The following BOC variants were observed in gnomAD, a reference collection of about 807,000 sequenced individuals.
BOC encodes brother of CDO.
A neutral mutation model predicts 112.0 loss-of-function variants in BOC; 76 were observed. The ratio of observed to expected loss-of-function variants is 0.68; its 90% CI spans 0.56 to 0.82. The LOEUF is 0.82. BOC is among the 40% of genes least tolerant of loss of function. The probability of loss-of-function intolerance (pLI) is 0.00; values close to 1 mark genes in which losing one functional copy is unlikely to be tolerated. For missense variants in BOC, 1,309 were observed against 1,511.7 expected (o/e 0.87, Z 2.22); for synonymous variants, 580 against 599.8 (o/e 0.97, Z 0.48).
At position 113,273,173 on chromosome 3, in the gene BOC, T is replaced by C. The variant is rs750517961; in HGVS notation, c.1066T>C (p.Trp356Arg). 1 of 1,614,078 alleles carries C rather than the reference T, an allele frequency of 6.2e-7. No homozygotes were observed. The highest frequency in any genetic ancestry group is 8.5e-7 in the Non-Finnish European group (1 of 1,180,010). The change falls in exon 8 of 20, where the codon TGG becomes CGG. Residue 356 changes from tryptophan to arginine, a missense_variant. Transcript: ENST00000682979. ...TGGGAACCCCCCGCCCTCCGTGCTG[T>C]GGCTGAGGAATGCTGTGCCCCTCAT... Reference protein sequence around the residue: ...VRGNPPPSVLWLRNAVPLISS... With the variant: ...VRGNPPPSVLRLRNAVPLISS...
In BOC at chr3:113,270,942, G is replaced by A. The variant is rs201064671; in HGVS notation, c.665G>A (p.Arg222His). 1.7e-5 allele frequency: 27 copies of A among 1,614,148 alleles called. No individual in the cohort carries two copies. Among genetic ancestry groups the A allele is most frequent in the South Asian group, 8.8e-5 (8 of 91,082 alleles). The stretch of plus-strand genomic sequence containing the variant: ...GGCTCCAGCGACAGGCTACGTGTGC[G>A]CCGTAAGGCCCGGGCCCACCTGCTG... ...TSGSSDRLRV[R>H]RSTAEAARII... is the part of the protein sequence containing the mutation. The change falls in exon 6 of 20, where the codon CGC (arginine) becomes CAC (histidine). Residue 222 changes from arginine to histidine, a missense_variant and splice_region_variant. Physicochemically the swap from Arg to His is conservative, Grantham distance 29 (BLOSUM62 0). Coordinates refer to ENST00000682979, the MANE Select transcript of BOC (RefSeq NM_001378074.1).
At position 113,279,328 on chromosome 3, in the gene BOC, T is replaced by C. The variant is rs757478390; in HGVS notation, c.1896T>C (p.Asn632=). 2 of 1,614,138 alleles carry C rather than the reference T, an allele frequency of 1.2e-6. 1 individual carries two copies. The highest frequency in any genetic ancestry group is 2.2e-5 in the South Asian group (2 of 91,072). The change falls in exon 12 of 20, where the codon AAT becomes AAC. Residue 632 remains asparagine, a synonymous_variant. Coordinates refer to ENST00000682979, the MANE Select transcript of BOC (RefSeq NM_001378074.1). The stretch of plus-strand genomic sequence containing the variant: ...ACGTGACCTGGATTCCCCGTGGGAA[T>C]GGTGGGTTCCCAATCCAGTCCTTCC... ...SVYVTWIPRG[N]GGFPIQSFRV... is the part of the protein sequence containing the mutation.
chr3:113,234,555 C>T (rs889689134), intron 2 of BOC, among the ~76,000 whole-genome samples: 2 of 152,180 alleles, frequency 1.3e-5, no homozygotes, highest in African/African-American at 4.8e-5. Context: ...GTTGTCAAAG[C>T]TGATGGGGGC....
chr3:113,253,383 A>AT (rs369365262), intron 4 of BOC, among the ~76,000 whole-genome samples: 25 of 151,914 alleles, frequency 1.6e-4, no homozygotes, highest in African/African-American at 5.8e-4. Flanking sequence ...TGAGGTTGGG[A>AT]TTTTGAGACC....
At chr3:113,239,604 C>T (rs1944024717) in intron 2 of BOC, among the ~76,000 whole-genome samples, 1 of 152,356 alleles carries the variant, frequency 6.6e-6, no homozygotes, top group Admixed American at 6.5e-5. Context: ...GTTAGGGACA[C>T]TTCTTCCCAC....
At position 113,216,526 on chromosome 3, in the gene BOC, G is replaced by A. The variant is rs148206546; in HGVS notation, c.-82+252G>A. The A allele has an allele frequency of 5.6e-4, 148 of 263,758 alleles. 2 individuals carry two copies. The East Asian group carries it at 0.01, about 19-fold the overall frequency. The allele number at this position is 263,758 out of a possible 1,614,324, so 16.3% of individuals were successfully genotyped here. On this transcript the variant is annotated intron_variant, in intron 2 of 19. Transcript: ENST00000682979. ...CTGTCAGACATGTTAGATACAAACC[G>A]TTTACTATGGGATTTGGAGTCCAAG...
intron 4 of BOC, among the ~76,000 whole-genome samples, chr3:113,267,883 A>G (rs947540095): frequency 1.3e-5 from 2 of 152,228 alleles, no homozygotes; most frequent in African/African-American, 4.8e-5. Flanking sequence ...TGGAGAAAAG[A>G]CATGAGCATT....
intron 16 of BOC, 66 bp from the exon 17 acceptor site, chr3:113,284,269 G>A: frequency 7.2e-7 from 1 of 1,380,210 alleles, no homozygotes; most frequent in South Asian, 1.2e-5. Flanking sequence ...AGATCCTTGT[G>A]GGGCTTTTCC....
At chr3:113,281,279 C>A in intron 15 of BOC, 126 bp downstream of exon 15, 1 of 1,174,874 alleles carries the variant, frequency 8.5e-7, no homozygotes, top group South Asian at 1.6e-5. Context: ...TCCAAATACC[C>A]TCAGACTTGG....
At position 113,216,243 on chromosome 3, in the gene BOC, C is replaced by G. The variant is rs188796542; in HGVS notation, c.-113C>G. Reference sequence around the variant, plus strand: ...CATGAAGTCTTGTCGACATTTATACCGTCTGAGGGTAGCAGCTCGAAAGTA... The same window carrying G: ...CATGAAGTCTTGTCGACATTTATACGGTCTGAGGGTAGCAGCTCGAAAGTA... On this transcript the variant is annotated 5_prime_UTR_variant, in exon 2 of 20. Coordinates refer to ENST00000682979, the MANE Select transcript of BOC (RefSeq NM_001378074.1). The G allele has an allele frequency of 2.2e-6, 1 of 456,548 alleles. No individual in the cohort carries two copies. The highest frequency in any genetic ancestry group is 2.0e-5 in the African/African-American group (1 of 50,136). 28.3% of individuals were successfully genotyped at this position (456,548 alleles called of 1,614,324 possible). A position where few individuals can be genotyped will look rare whatever the true frequency, so the allele number is the denominator to read the frequency against.
intron 2 of BOC, among the ~76,000 whole-genome samples, chr3:113,227,607 C>G (rs9968164): frequency 0.068 from 10,322 of 152,226 alleles, 366 homozygotes; most frequent in East Asian, 0.097. Flanking sequence ...TGAAACCTGC[C>G]TGACAATGCA....
rs1948476999 is a variant in BOC, at chr3:113,274,646, G to T, written c.1506G>T (p.Arg502=). The T allele has an allele frequency of 6.2e-7, 1 of 1,608,018 alleles. No homozygotes were observed. Among genetic ancestry groups the T allele is most frequent in the African/African-American group, 1.3e-5 (1 of 74,832 alleles). The change falls in exon 9 of 20, where the codon CGG becomes CGT. Residue 502 remains arginine (R), a synonymous_variant. Transcript: ENST00000682979. The surrounding 1 kb of genome is among the most constrained non-coding windows in gnomAD (Gnocchi z 4.8). ...VWRPRHEGSG[R]APILYYVVKH... is the part of the protein sequence containing the mutation. Reference sequence around the variant, plus strand: ...GGCCTCGGCATGAGGGCAGTGGCCGGGCGCCAATCCTCTACTATGTGGTGA... The same window carrying T: ...GGCCTCGGCATGAGGGCAGTGGCCGTGCGCCAATCCTCTACTATGTGGTGA...
chr3:113,268,424 G>C lies in BOC; in HGVS notation c.502G>C (p.Glu168Gln), dbSNP rs1457856366. 1 of 1,613,924 alleles carries C rather than the reference G, an allele frequency of 6.2e-7. No individual in the cohort carries two copies. The highest frequency in any genetic ancestry group is 1.1e-5 in the South Asian group (1 of 91,046). Residue 168 changes from glutamate (E) to glutamine (Q), a missense_variant, in exon 5 of 20, where the codon GAG (glutamate) becomes CAG (glutamine). By Grantham distance (29) the Glu-to-Gln change is conservative. Coordinates refer to ENST00000682979, the MANE Select transcript of BOC (RefSeq NM_001378074.1). ...CCAGGTCCGGTACAGCGTCAAACAA[G>C]AGTGGCTGGAGGCCTCCAGAGGTGA... The part of the protein sequence containing the change: ...KAQVRYSVKQ[E>Q]WLEASRGNYL...
At position 113,221,189 on chromosome 3, in the gene BOC, G is replaced by A. The variant is rs892703430; in HGVS notation, c.-82+4915G>A. On this transcript the variant is annotated intron_variant, in intron 2 of 19. Coordinates refer to ENST00000682979, the MANE Select transcript of BOC (RefSeq NM_001378074.1). ...GCAAGATAATTCACATAAAGCACAC[G>A]AAATGCGTTGGGAGCAGTCTGTAGA... 7.2e-5 allele frequency among the ~76,000 whole-genome samples: 11 copies of A among 152,334 alleles called. No individual in the cohort carries two copies. The East Asian group carries it at 7.7e-4, about 11-fold the overall frequency.
chr3:113,268,299 A>G lies in BOC; in HGVS notation c.377A>G (p.Asn126Ser). Residue 126 changes from asparagine to serine, a missense_variant and splice_region_variant, in exon 5 of 20, where the codon AAT becomes AGT. Physicochemically the swap from Asn to Ser is conservative, Grantham distance 46. Coordinates refer to ENST00000682979, the MANE Select transcript of BOC (RefSeq NM_001378074.1). ...ASVPATVTLANLQDFKLDVQH... is the reference protein window; with the variant it reads ...ASVPATVTLASLQDFKLDVQH... ...CCAGCACCTTCCCTTCTCTTCACAG[A>G]TCTCCAGGACTTCAAGTTAGATGTG... 6.2e-7 allele frequency: 1 copy of G among 1,614,048 alleles called. No individual in the cohort carries two copies. Among genetic ancestry groups the G allele is most frequent in the South Asian group, 1.1e-5 (1 of 91,044 alleles).
chr3:113,267,303 G>A (rs757698846), intron 4 of BOC, among the ~76,000 whole-genome samples: 4 of 152,202 alleles, frequency 2.6e-5, no homozygotes, highest in Non-Finnish European at 5.9e-5. Context: ...CAACATGAGT[G>A]ATTTGTCTCA....
At position 113,279,460 on chromosome 3, in the gene BOC, G is replaced by T. The variant is rs755537929; in HGVS notation, c.2023+5G>T. On this transcript the variant is annotated splice_donor_5th_base_variant and intron_variant, in intron 12 of 19. Coordinates refer to ENST00000682979, the MANE Select transcript of BOC (RefSeq NM_001378074.1). ...AGATCACGGGCCTAGAGAAAGGTAG[G>T]GGCCTGGCCACACCGTGGCCTTGGC... The T allele has an allele frequency of 6.2e-7, 1 of 1,612,896 alleles. No homozygotes were observed. Among genetic ancestry groups the T allele is most frequent in the Non-Finnish European group, 8.5e-7 (1 of 1,179,828 alleles).
At chr3:113,233,485 C>T (rs539307669) in intron 2 of BOC, among the ~76,000 whole-genome samples, 2 of 152,278 alleles carry the variant, frequency 1.3e-5, no homozygotes, top group South Asian at 4.2e-4. Context: ...CCAGACCTCC[C>T]TAAATGCCCA....
chr3:113,250,113 G>GAC (rs1945426104), intron 3 of BOC, among the ~76,000 whole-genome samples: 3 of 119,350 alleles, frequency 2.5e-5, no homozygotes, highest in African/African-American at 8.5e-5. Context: ...AAGCTATACC[G>GAC]GAGGAGGAGG....
Sources: gnomAD v4.1 joint callset for allele counts (sites outside exome capture counted in the v4.1 genomes callset) on GRCh38, gnomAD v4.1.1 for gene constraint, Gnocchi (gnomAD v3.1) non-coding constraint, MANE v1.5 for transcripts, NCBI Gene and HGNC (gene_info 2026-07-23, HGNC 2026-07-21) for gene names.